INPP4B: variants seen among roughly 807,000 people sequenced by gnomAD.
INPP4B encodes the protein inositol polyphosphate-4-phosphatase type II B, also known as inositol polyphosphate 4-phosphatase type II.
INPP4B carries 55 observed loss-of-function variants against 122.5 expected under a neutral mutation model. That is an observed-to-expected ratio of 0.45 (90% CI 0.36 to 0.56). The LOEUF is 0.56. INPP4B is among the 20% of genes least tolerant of loss of function. The pLI, the probability that INPP4B is intolerant of heterozygous loss-of-function variation, is 0.00. For synonymous variants in INPP4B, 403 were observed against 388.7 expected (o/e 1.04, Z -0.43); for missense variants, 1,000 against 1,097.7 (o/e 0.91, Z 1.26).
intron 18 of INPP4B, among the ~76,000 whole-genome samples, chr4:142,130,313 G>A (rs1045985611): frequency 1.3e-5 from 2 of 152,138 alleles, no homozygotes; most frequent in Non-Finnish European, 2.9e-5. Flanking sequence ...AGAAACAGGG[G>A]GTACTGGAAG....
At chr4:142,763,299 C>A (rs897422367) in intron 1 of INPP4B, among the ~76,000 whole-genome samples, 1 of 152,138 alleles carries the variant, frequency 6.6e-6, no homozygotes, top group Non-Finnish European at 1.5e-5. Context: ...TTAACACTAA[C>A]AGAAGTCTTT....
intron 21 of INPP4B, among the ~76,000 whole-genome samples, chr4:142,117,190 G>A (rs754751125): frequency 6.6e-6 from 1 of 151,898 alleles, no homozygotes; most frequent in Non-Finnish European, 1.5e-5. Flanking sequence ...AACCAAAAAA[G>A]TCCAGGACCA....
rs1253886761 is a variant in INPP4B, at chr4:142,378,656, A to G, written c.372+24282T>C. 3.9e-5 allele frequency among the ~76,000 whole-genome samples: 6 copies of G among 152,282 alleles called. No homozygotes were observed. The East Asian group carries it at 1.2e-3, about 29-fold the overall frequency. On this transcript the variant is annotated intron_variant, in intron 7 of 25. Transcript: ENST00000262992. ...GGAGAATATGTCTCTGAATATTAAC[A>G]TTGCCCTAGGACTATTTTGGCTTTT... is the stretch of plus-strand genomic sequence containing the variant.
At chr4:142,364,337 G>A (rs1393579667) in intron 7 of INPP4B, among the ~76,000 whole-genome samples, 1 of 151,830 alleles carries the variant, frequency 6.6e-6, no homozygotes, top group Non-Finnish European at 1.5e-5. Context: ...AAAAAAAAAT[G>A]AGAAAGAAGA....
chr4:142,552,887 C>T (rs916866809), intron 2 of INPP4B, among the ~76,000 whole-genome samples: 1 of 152,136 alleles, frequency 6.6e-6, no homozygotes. Flanking sequence ...CTCTATAGTC[C>T]AGTCATAATC....
chr4:142,084,291 T>C (rs1775614867), intron 24 of INPP4B, among the ~76,000 whole-genome samples: 1 of 152,008 alleles, frequency 6.6e-6, no homozygotes. Context: ...GCCCGGCTAA[T>C]TTTTGTATTT....
At chr4:142,391,934 A>G (rs188566571) in intron 7 of INPP4B, among the ~76,000 whole-genome samples, 5 of 152,290 alleles carry the variant, frequency 3.3e-5, no homozygotes, top group East Asian at 1.9e-4. Context: ...AAGCTTTCCC[A>G]TGGAAGAGGG....
intron 2 of INPP4B, among the ~76,000 whole-genome samples, chr4:142,598,504 A>T (rs1357519265): frequency 6.6e-6 from 1 of 152,080 alleles, no homozygotes. Context: ...GACATTTCCC[A>T]TTCCCACCAA....
At chr4:142,313,036 A>G (rs2151299768) in intron 8 of INPP4B, among the ~76,000 whole-genome samples, 1 of 152,330 alleles carries the variant, frequency 6.6e-6, no homozygotes, top group Non-Finnish European at 1.5e-5. Flanking sequence ...TGGGACTCAC[A>G]TTAGGCTTCC....
intron 15 of INPP4B, among the ~76,000 whole-genome samples, chr4:142,183,521 A>G (rs1831792950): frequency 6.6e-6 from 1 of 151,398 alleles, no homozygotes; most frequent in Admixed American, 6.6e-5. Flanking sequence ...GCTCTGAAAA[A>G]TATAGTATAT....
Position 142,026,870 on chromosome 4 carries a change from C to A in INPP4B, c.*1912G>T, listed in dbSNP as rs1049969831. 1 of 152,104 alleles carries A rather than the reference C, an allele frequency of 6.6e-6. No homozygotes were observed. The highest frequency in any genetic ancestry group is 2.4e-5 in the African/African-American group (1 of 41,416). The allele number at this position is 152,104 out of a possible 1,614,324, so 9.4% of individuals were successfully genotyped here. ...AAATTATTGCTTATAAGAGTATTTA[C>A]AGAATGATAAATTACTTAAGGTTTC... On this transcript the variant is annotated 3_prime_UTR_variant, in exon 26 of 26. Transcript: ENST00000262992.
chr4:142,453,102 G>T (rs527396578), intron 3 of INPP4B, among the ~76,000 whole-genome samples: 31 of 152,188 alleles, frequency 2.0e-4, no homozygotes, highest in Non-Finnish European at 3.4e-4. Flanking sequence ...GTGACTTCTA[G>T]CATCCTATCT....
At chr4:142,625,878 G>C (rs1372140923) in intron 2 of INPP4B, among the ~76,000 whole-genome samples, 2 of 152,112 alleles carry the variant, frequency 1.3e-5, no homozygotes, top group Non-Finnish European at 2.9e-5. Context: ...AACAAGAAAT[G>C]GGGAAAGGAT....
intron 2 of INPP4B, among the ~76,000 whole-genome samples, chr4:142,526,166 A>G (rs1826888363): frequency 1.3e-5 from 2 of 152,094 alleles, no homozygotes; most frequent in Admixed American, 6.6e-5. Flanking sequence ...ATGTGTATCT[A>G]GTGACTTCCC....
chr4:142,794,528 A>T (rs1157555485), intron 1 of INPP4B, among the ~76,000 whole-genome samples: 1 of 151,960 alleles, frequency 6.6e-6, no homozygotes, highest in African/African-American at 2.4e-5. Context: ...TTACAATTTT[A>T]AAAAAACAAG....
intron 2 of INPP4B, among the ~76,000 whole-genome samples, chr4:142,620,450 C>CTT (rs2150369745): frequency 6.6e-6 from 1 of 152,012 alleles, no homozygotes; most frequent in African/African-American, 2.4e-5. Context: ...GGGACCTATA[C>CTT]TTTGAGTACA....
At chr4:142,806,765 AAG>A (rs1778813137) in intron 1 of INPP4B, among the ~76,000 whole-genome samples, 1 of 58,250 alleles carries the variant, frequency 1.7e-5, no homozygotes, top group Non-Finnish European at 3.8e-5. Flanking sequence ...AAGAAGAAAG[AAG>A]AAAGAAAGAA....
chr4:142,314,696 C>A lies in INPP4B; in HGVS notation c.423+16G>T. ...AAGTGATGTGTGTGCCTTCTGGAAA[C>A]GTTAGAAACACTTACCCCAACTTCT... On this transcript the variant is annotated intron_variant, in intron 8 of 25. Coordinates refer to ENST00000262992, the MANE Select transcript of INPP4B (RefSeq NM_001101669.3). The A allele has an allele frequency of 1.2e-6, 2 of 1,600,650 alleles. No homozygotes were observed. Among genetic ancestry groups the A allele is most frequent in the Non-Finnish European group, 1.7e-6 (2 of 1,174,790 alleles).
intron 2 of INPP4B, among the ~76,000 whole-genome samples, chr4:142,549,784 C>A (rs1380063188): frequency 1.3e-5 from 2 of 152,124 alleles, no homozygotes; most frequent in Non-Finnish European, 2.9e-5. Flanking sequence ...GGTTATGAGG[C>A]AGGGGCCTAT....
Sources: gnomAD v4.1 joint callset for allele counts (sites outside exome capture counted in the v4.1 genomes callset) on GRCh38, gnomAD v4.1.1 for gene constraint, MANE v1.5 for transcripts, NCBI Gene and HGNC (gene_info 2026-07-23, HGNC 2026-07-21) for gene names.